NAA35: variants seen among roughly 807,000 people sequenced by gnomAD.
NAA35 encodes the protein MAK10 homolog, amino-acid N-acetyltransferase subunit.
NAA35 carries 18 observed loss-of-function variants against 101.7 expected under a neutral mutation model. That is an observed-to-expected ratio of 0.18 (90% CI 0.12 to 0.26). The LOEUF is 0.26. NAA35 is among the 10% of genes least tolerant of loss of function. The pLI is 1.00. For missense variants in NAA35, 601 were observed against 886.8 expected, an observed-to-expected ratio of 0.68 and a Z score of 4.09; for synonymous variants, 267 against 273.1, an observed-to-expected ratio of 0.98 and a Z score of 0.22.
chr9:86,017,647 C>A (rs1165446587), intron 19 of NAA35, 82 bp downstream of exon 19: 8 of 1,092,686 alleles, frequency 7.3e-6, no homozygotes, highest in Non-Finnish European at 1.1e-5. Flanking sequence ...TTCTGTGATT[C>A]TTTCCATATT....
chr9:86,021,061 TA>T, intron 22 of NAA35, 92 bp downstream of exon 22: 1 of 903,396 alleles, frequency 1.1e-6, no homozygotes, highest in Middle Eastern at 3.3e-4. Context: ...CAGGAAAAAT[TA>T]AACCACTGAA....
intron 12 of NAA35, among the ~76,000 whole-genome samples, chr9:85,999,984 A>G (rs1012568682): frequency 6.6e-6 from 1 of 152,118 alleles, no homozygotes; most frequent in African/African-American, 2.4e-5. Flanking sequence ...CTTTAAAAAA[A>G]TTTTACATTT....
intron 13 of NAA35, among the ~76,000 whole-genome samples, chr9:86,004,102 G>GT (rs889258043): frequency 1.3e-5 from 2 of 151,992 alleles, no homozygotes; most frequent in African/African-American, 2.4e-5. Context: ...AGCATTGAAT[G>GT]TTTTTTTGTT....
chr9:85,998,528 C>T (rs1447745941), intron 12 of NAA35, among the ~76,000 whole-genome samples: 1 of 152,100 alleles, frequency 6.6e-6, no homozygotes, highest in East Asian at 1.9e-4. Flanking sequence ...AATGAAGCTG[C>T]TAGGTACACT....
rs1263788288 is a variant in NAA35 at position 86,000,823 on chromosome 9, T to G, written c.1057-2762T>G. ...AGTCTAGCTGGTGGCCTATTTTATTTTTTTTCAAAAAACTAATAGCAAGAT... is the reference window on the plus strand; with the variant it reads ...AGTCTAGCTGGTGGCCTATTTTATTGTTTTTCAAAAAACTAATAGCAAGAT... On this transcript the variant is annotated intron_variant, in intron 12 of 22. Transcript: ENST00000361671. Among the ~76,000 whole-genome samples the G allele has an allele frequency of 2.6e-5, 4 of 152,150 alleles. No individual in the cohort carries two copies. In the East Asian group the frequency reaches 7.7e-4, roughly 29 times the overall value.
chr9:85,990,806 G>A (rs1830869684), intron 11 of NAA35, among the ~76,000 whole-genome samples: 1 of 152,222 alleles, frequency 6.6e-6, no homozygotes, highest in African/African-American at 2.4e-5. Flanking sequence ...ATAAGGTGTT[G>A]TAACCATGTG....
chr9:85,962,593 C>G (rs1482638483), intron 6 of NAA35, among the ~76,000 whole-genome samples: 1 of 151,578 alleles, frequency 6.6e-6, no homozygotes, highest in African/African-American at 2.4e-5. Context: ...GTACTTTCGT[C>G]TACGTGTATA....
intron 11 of NAA35, among the ~76,000 whole-genome samples, chr9:85,979,250 G>A (rs1023585188): frequency 1.3e-5 from 2 of 152,158 alleles, no homozygotes; most frequent in Non-Finnish European, 2.9e-5. Flanking sequence ...CTACTGCTGT[G>A]TCCGGTTTCC....
chr9:85,993,975 ATT>A (rs56865808), intron 11 of NAA35, among the ~76,000 whole-genome samples: 11 of 143,210 alleles, frequency 7.7e-5, no homozygotes, highest in Admixed American at 1.4e-4. Flanking sequence ...CACCCGGCTA[ATT>A]TTTTTTTTTT....
chr9:85,961,718 A>AT (rs1435278003), intron 5 of NAA35, among the ~76,000 whole-genome samples: 3 of 152,072 alleles, frequency 2.0e-5, no homozygotes, highest in African/African-American at 7.2e-5. Flanking sequence ...CAGTTTATGG[A>AT]TTTTTTTATT....
intron 11 of NAA35, 113 bp downstream of exon 11, chr9:85,978,494 A>C (rs1830308189): frequency 4.4e-6 from 3 of 675,240 alleles, no homozygotes. Context: ...GGGATGTTTT[A>C]ATCCAGAGAC....
chr9:85,947,720 A>C (rs1828831902), intron 2 of NAA35, among the ~76,000 whole-genome samples: 1 of 152,208 alleles, frequency 6.6e-6, no homozygotes, highest in Admixed American at 6.5e-5. Context: ...CAGCCCCCAC[A>C]AACAAATAAT....
intron 4 of NAA35, among the ~76,000 whole-genome samples, chr9:85,959,532 A>G (rs1829421312): frequency 6.6e-6 from 1 of 152,000 alleles, no homozygotes; most frequent in African/African-American, 2.4e-5. Context: ...CTTTATTTTG[A>G]TATTTCTTGT....
chr9:86,013,677 G>A, intron 16 of NAA35, 42 bp from the exon 17 acceptor site: 2 of 1,552,986 alleles, frequency 1.3e-6, no homozygotes, highest in Non-Finnish European at 1.8e-6. Flanking sequence ...ATTACCTTAA[G>A]AAAACAAAAC....
intron 6 of NAA35, among the ~76,000 whole-genome samples, chr9:85,964,940 C>T (rs1320500265): frequency 1.3e-5 from 2 of 152,184 alleles, no homozygotes; most frequent in African/African-American, 4.8e-5. Flanking sequence ...AAGTCTCTCC[C>T]CTTAGATCAA....
At chr9:86,018,846 T>G (rs761425975) in intron 21 of NAA35, 25 bp downstream of exon 21, 19 of 1,606,956 alleles carry the variant, frequency 1.2e-5, no homozygotes, top group Non-Finnish European at 1.6e-5. Flanking sequence ...ACAGTAATTC[T>G]AGGGGAAAAG....
At chr9:85,973,089 G>A (rs1830063490) in intron 6 of NAA35, among the ~76,000 whole-genome samples, 1 of 152,202 alleles carries the variant, frequency 6.6e-6, no homozygotes, top group African/African-American at 2.4e-5. Flanking sequence ...ATGAAACCTT[G>A]TAAATATTTT....
chr9:85,976,406 ATG>A (rs1830213848), intron 8 of NAA35, among the ~76,000 whole-genome samples: 1 of 152,142 alleles, frequency 6.6e-6, no homozygotes, highest in Non-Finnish European at 1.5e-5. Context: ...AAAATATACT[ATG>A]TGCCATATAC....
At chr9:86,002,843 C>T (rs1367842021) in intron 12 of NAA35, among the ~76,000 whole-genome samples, 1 of 152,132 alleles carries the variant, frequency 6.6e-6, no homozygotes, top group Non-Finnish European at 1.5e-5. Flanking sequence ...TTCTGTCATT[C>T]CAGCCAGTTC....
Sources: allele counts gnomAD v4.1 joint callset (sites outside exome capture counted in the v4.1 genomes callset), GRCh38; gene constraint gnomAD v4.1.1; transcripts MANE v1.5; gene names NCBI Gene and HGNC (gene_info 2026-07-23, HGNC 2026-07-21).